Variants in COL21A1 observed in about 807,000 individuals in gnomAD.
COL21A1 encodes collagen type XXI alpha 1 chain.
COL21A1 carries 149 observed loss-of-function variants against 137.9 expected under a neutral mutation model. That is an observed-to-expected ratio of 1.08 (90% CI 0.95 to 1.24). The LOEUF is 1.24. Ranked by LOEUF, COL21A1 falls within the 50% of genes most tolerant of loss-of-function variation. The pLI, the probability that COL21A1 is intolerant of heterozygous loss-of-function variation, is 0.00. For synonymous variants in COL21A1, 456 were observed against 391.5 expected (o/e 1.16, Z -1.95); for missense variants, 1,167 against 1,158.4 (o/e 1.01, Z -0.11).
upstream of COL21A1, among the ~76,000 whole-genome samples, chr6:56,252,017 G>A (rs953602929): frequency 3.3e-5 from 5 of 152,174 alleles, no homozygotes; most frequent in African/African-American, 1.2e-4. Flanking sequence ...CATAGTATCA[G>A]GCTTTAAGCC....
intron 3 of COL21A1, among the ~76,000 whole-genome samples, 194 bp from the exon 4 acceptor site, chr6:56,171,322 TAAGA>T (rs1442199612): frequency 2.0e-5 from 3 of 151,938 alleles, no homozygotes; most frequent in Non-Finnish European, 4.4e-5. Flanking sequence ...TTTACACATT[TAAGA>T]GTGAGATCTT....
intron 1 of COL21A1, among the ~76,000 whole-genome samples, chr6:56,283,066 A>G (rs1275355002): frequency 6.6e-6 from 1 of 152,224 alleles, no homozygotes; most frequent in Non-Finnish European, 1.5e-5. Flanking sequence ...GTCTAACACA[A>G]TAAATACATT....
rs778958281 is a variant in COL21A1 at position 56,060,744 on chromosome 6, T to G, written c.2404A>C (p.Arg802=). 5.6e-6 allele frequency: 9 copies of G among 1,602,944 alleles called. No homozygotes were observed. Among genetic ancestry groups the G allele is most frequent in the Middle Eastern group, 1.8e-4 (1 of 5,442 alleles). The change falls in exon 27 of 30, where the codon AGA becomes CGA. Residue 802 remains arginine (R), a synonymous_variant. Coordinates refer to ENST00000244728, the MANE Select transcript of COL21A1 (RefSeq NM_030820.4). ...AAATGCTATATTTGATACCTACCTC[T>G]TATTACATCTGTGCAAACTTGTCGA... is the stretch of plus-strand genomic sequence containing the variant. ...FIRQVCTDVI[R]AQLPVLLQSG...
At chr6:56,276,263 G>A (rs868551080) in intron 1 of COL21A1, among the ~76,000 whole-genome samples, 18 of 152,030 alleles carry the variant, frequency 1.2e-4, no homozygotes, top group African/African-American at 4.1e-4. Flanking sequence ...TGTCTATTGG[G>A]TACTATACTC....
At chr6:56,325,158 A>G (rs367756035) in intron 1 of COL21A1, among the ~76,000 whole-genome samples, 1 of 145,462 alleles carries the variant, frequency 6.9e-6, no homozygotes, top group Non-Finnish European at 1.5e-5. Context: ...CATAAAATTT[A>G]TCAAATAAAT....
chr6:56,388,814 G>A (rs1247660098), intron 1 of COL21A1, among the ~76,000 whole-genome samples: 3 of 152,184 alleles, frequency 2.0e-5, no homozygotes, highest in African/African-American at 7.2e-5. Context: ...ACCAATCTCA[G>A]AGTAATAGAC....
At chr6:56,206,372 C>A (rs900549996) in intron 1 of COL21A1, among the ~76,000 whole-genome samples, 1 of 146,502 alleles carries the variant, frequency 6.8e-6, no homozygotes, top group Non-Finnish European at 1.5e-5. Flanking sequence ...TTTAAATCAA[C>A]AAAGATCAAA....
intron 1 of COL21A1, among the ~76,000 whole-genome samples, chr6:56,278,954 A>G (rs1242620657): frequency 1.3e-5 from 2 of 152,236 alleles, no homozygotes; most frequent in Non-Finnish European, 2.9e-5. Flanking sequence ...GGGTAGAATG[A>G]GGCTGAGATA....
chr6:56,372,853 C>A (rs1256062344), intron 1 of COL21A1, among the ~76,000 whole-genome samples: 1 of 152,140 alleles, frequency 6.6e-6, no homozygotes, highest in South Asian at 2.1e-4. Context: ...GAACTCCTCT[C>A]TATGTTTAGG....
At chr6:56,243,486 C>T (rs1782468773) in intron 1 of COL21A1, among the ~76,000 whole-genome samples, 1 of 152,104 alleles carries the variant, frequency 6.6e-6, no homozygotes, top group Non-Finnish European at 1.5e-5. Context: ...AATTAATAAC[C>T]TAAATTACTA....
At chr6:56,218,123 G>A (rs978844913) in intron 1 of COL21A1, among the ~76,000 whole-genome samples, 1 of 151,986 alleles carries the variant, frequency 6.6e-6, no homozygotes, top group Non-Finnish European at 1.5e-5. Context: ...CTTTTAAGAG[G>A]AATACACTAA....
chr6:56,105,822 T>C (rs778660480), intron 16 of COL21A1, among the ~76,000 whole-genome samples: 5 of 152,236 alleles, frequency 3.3e-5, no homozygotes, highest in Non-Finnish European at 7.3e-5. Flanking sequence ...GTTACGCCTT[T>C]TGTTATAATC....
At position 56,101,498 on chromosome 6, in the gene COL21A1, C is replaced by T; in HGVS notation, c.1786G>A (p.Gly596Arg). The change falls in exon 17 of 30, where the codon GGG becomes AGG. Residue 596 changes from glycine (G) to arginine (R), a missense_variant. Physicochemically the swap from Gly to Arg is moderately radical, Grantham distance 125 (BLOSUM62 -2). Transcript: ENST00000244728. ...GGCTCTCCCCGTGTTCCATCCTGCC[C>T]CGGAGCACCAGGGGATCCTGCTTCT... ...KGEAGSPGAP[G>R]QDGTRGEPGI... The T allele has an allele frequency of 6.3e-7, 1 of 1,595,482 alleles. No individual in the cohort carries two copies. The highest frequency in any genetic ancestry group is 8.5e-7 in the Non-Finnish European group (1 of 1,170,048).
chr6:56,130,165 T>TTTTA (rs1414609284), intron 12 of COL21A1, among the ~76,000 whole-genome samples: 40 of 107,920 alleles, frequency 3.7e-4, no homozygotes, highest in South Asian at 6.4e-4. Context: ...TGACAGGGTT[T>TTTTA]TATATATATA....
At chr6:56,058,046 G>C (rs1284780497) in intron 29 of COL21A1, among the ~76,000 whole-genome samples, 1 of 151,982 alleles carries the variant, frequency 6.6e-6, no homozygotes, top group African/African-American at 2.4e-5. Flanking sequence ...AAAGTTATCA[G>C]TAATTTTTGA....
intron 1 of COL21A1, among the ~76,000 whole-genome samples, chr6:56,200,095 A>G (rs76948360): frequency 0.068 from 10,350 of 152,196 alleles, 419 homozygotes; most frequent in South Asian, 0.12. Flanking sequence ...AGATCTGGGG[A>G]CAAGATTTCC....
At chr6:56,091,347 T>A (rs1768797399) in intron 17 of COL21A1, 1 of 152,428 alleles carries the variant, frequency 6.6e-6, no homozygotes, top group Non-Finnish European at 1.5e-5. Context: ...TTGAAAGGCA[T>A]GAGGAAAGGA....
Position 56,124,271 on chromosome 6 carries a change from T to A in COL21A1, c.1672A>T (p.Asn558Tyr). Residue 558 changes from asparagine (N) to tyrosine (Y), a missense_variant, in exon 15 of 30, where the codon AAT (asparagine) becomes TAT (tyrosine). Transcript: ENST00000244728. ...CCAGGGAGGCCAGGGAAGCCAGCAT[T>A]CCCCTTTTCACCTTTTGCACCCTGT... ...GKKGAKGEKGNAGFPGLPGPA... is the reference protein window; with the variant it reads ...GKKGAKGEKGYAGFPGLPGPA... 4 of 1,604,668 alleles carry A rather than the reference T, an allele frequency of 2.5e-6. No individual in the cohort carries two copies. Among genetic ancestry groups the A allele is most frequent in the Non-Finnish European group, 3.4e-6 (4 of 1,175,266 alleles).
At chr6:56,128,811 T>G (rs147515571) in intron 12 of COL21A1, among the ~76,000 whole-genome samples, 1 of 152,086 alleles carries the variant, frequency 6.6e-6, no homozygotes, top group African/African-American at 2.4e-5. Context: ...CCCACCACCA[T>G]GCCTGGCTAA....
Sources: gnomAD v4.1 joint callset for allele counts (sites outside exome capture counted in the v4.1 genomes callset) on GRCh38, gnomAD v4.1.1 for gene constraint, MANE v1.5 for transcripts, NCBI Gene and HGNC (gene_info 2026-07-23, HGNC 2026-07-21) for gene names.